Variants in LRRC49 observed in about 807,000 individuals in gnomAD.
LRRC49 encodes leucine-rich repeat-containing protein 49.
A neutral mutation model predicts 83.3 loss-of-function variants in LRRC49; 50 were observed. The ratio of observed to expected loss-of-function variants is 0.60; its 90% CI spans 0.48 to 0.76. The LOEUF (loss-of-function observed/expected upper bound fraction) is 0.76, where lower values mean the gene tolerates loss of function less well. LRRC49 is among the 30% of genes least tolerant of loss of function. LRRC49 has a pLI of 0.00. For missense variants in LRRC49, 704 were observed against 809.1 expected (o/e 0.87, Z 1.58); for synonymous variants, 286 against 283.3 (o/e 1.01, Z -0.10).
chr15:71,026,321 G>A (rs1444195589), intron 14 of LRRC49, among the ~76,000 whole-genome samples: 1 of 152,096 alleles, frequency 6.6e-6, no homozygotes, highest in Non-Finnish European at 1.5e-5. Context: ...TATCACTGAT[G>A]GGCATTTGGG....
intron 4 of LRRC49, among the ~76,000 whole-genome samples, chr15:70,903,747 A>C (rs980744636): frequency 1.3e-5 from 2 of 152,126 alleles, no homozygotes; most frequent in African/African-American, 4.8e-5. Context: ...ATCACGCAGG[A>C]CCTCATGTCT....
At chr15:70,896,177 A>C (rs572915114) in intron 3 of LRRC49, among the ~76,000 whole-genome samples, 1 of 152,234 alleles carries the variant, frequency 6.6e-6, no homozygotes, top group South Asian at 2.1e-4. Context: ...ACACTAGAGA[A>C]TGGAAAAAGA....
chr15:70,935,352 A>T (rs950171315), intron 7 of LRRC49, among the ~76,000 whole-genome samples: 2 of 152,142 alleles, frequency 1.3e-5, no homozygotes, highest in Non-Finnish European at 2.9e-5. Flanking sequence ...TAGGTAGAAA[A>T]ACAAGGCAGC....
chr15:71,034,589 T>C (rs1365642269), intron 14 of LRRC49, among the ~76,000 whole-genome samples: 1 of 152,216 alleles, frequency 6.6e-6, no homozygotes, highest in Non-Finnish European at 1.5e-5. Context: ...GTATGTTTAT[T>C]GCAGGACTAT....
chr15:71,040,005 G>T (rs1250748849), intron 15 of LRRC49, among the ~76,000 whole-genome samples: 2 of 152,116 alleles, frequency 1.3e-5, no homozygotes, highest in East Asian at 3.9e-4. Context: ...AAATATTGGT[G>T]CAAACCCCTT....
intron 15 of LRRC49, among the ~76,000 whole-genome samples, chr15:71,039,061 G>A (rs1264362347): frequency 1.3e-5 from 2 of 152,148 alleles, no homozygotes; most frequent in Non-Finnish European, 2.9e-5. Context: ...TAGAAAAAAT[G>A]ATGGCCGATA....
intron 8 of LRRC49, among the ~76,000 whole-genome samples, chr15:70,941,104 A>C (rs2035798634): frequency 6.6e-6 from 1 of 152,170 alleles, no homozygotes. Context: ...AGTAGGTCTG[A>C]CTGTAAAGCC....
intron 8 of LRRC49, among the ~76,000 whole-genome samples, chr15:70,945,422 C>A (rs981176321): frequency 9.2e-5 from 14 of 151,924 alleles, no homozygotes; most frequent in Admixed American, 8.5e-4. Context: ...TTCAAATTGT[C>A]ATGATTGTAT....
chr15:70,906,262 A>G (rs2034309261), intron 5 of LRRC49, among the ~76,000 whole-genome samples: 2 of 151,812 alleles, frequency 1.3e-5, no homozygotes. Flanking sequence ...ATGCCCAGCT[A>G]ATTTTTGTAT....
At chr15:70,961,058 T>TA (rs1475290453) in intron 8 of LRRC49, among the ~76,000 whole-genome samples, 53 of 152,002 alleles carry the variant, frequency 3.5e-4, no homozygotes, top group Admixed American at 2.0e-4. Flanking sequence ...ATCCAAATTT[T>TA]AAAAAAATCT....
In LRRC49 at chr15:71,009,817, T is replaced by C; in HGVS notation, c.1418T>C (p.Phe473Ser). Residue 473 changes from phenylalanine (F) to serine (S), a missense_variant, in exon 13 of 16, where the codon TTC becomes TCC. By Grantham distance (155) the Phe-to-Ser change is radical. Around this residue, in one of 3 missense-constraint regions of LRRC49, gnomAD observed 275 missense variants for 338.0 expected, o/e 0.81. Transcript: ENST00000260382. ...GTTTTATCATTGCAGCACCTTAAATTCAAGGAAACAAATCTTGTAATGCTG... is the reference window on the plus strand; with the variant it reads ...GTTTTATCATTGCAGCACCTTAAATCCAAGGAAACAAATCTTGTAATGCTG... ...IKFPNSLHLK[F>S]KETNLVMLQQ... 1 of 1,610,956 alleles carries C rather than the reference T, an allele frequency of 6.2e-7. No homozygotes were observed. The highest frequency in any genetic ancestry group is 8.5e-7 in the Non-Finnish European group (1 of 1,177,954).
intron 14 of LRRC49, among the ~76,000 whole-genome samples, chr15:71,035,531 G>A (rs2039491818): frequency 6.6e-6 from 1 of 152,028 alleles, no homozygotes; most frequent in African/African-American, 2.4e-5. Context: ...GGTGTGTGAT[G>A]TTCCCCTCCC....
chr15:70,895,734 A>G, intron 2 of LRRC49, 115 bp from the exon 3 acceptor site: 1 of 555,300 alleles, frequency 1.8e-6, no homozygotes, highest in Middle Eastern at 4.6e-4. Context: ...GATGTTTTCA[A>G]GGTTCATCCA....
intron 11 of LRRC49, among the ~76,000 whole-genome samples, chr15:70,987,615 T>A (rs2037679891): frequency 6.6e-6 from 1 of 152,086 alleles, no homozygotes; most frequent in Non-Finnish European, 1.5e-5. Context: ...TTTTGAAGGG[T>A]TTTTTGTGTC....
At chr15:71,014,605 A>C (rs948152212) in intron 14 of LRRC49, among the ~76,000 whole-genome samples, 3 of 152,146 alleles carry the variant, frequency 2.0e-5, no homozygotes, top group Admixed American at 2.0e-4. Flanking sequence ...GGAAATATAT[A>C]ATGAACTAAA....
intron 5 of LRRC49, among the ~76,000 whole-genome samples, chr15:70,907,131 C>G (rs2034347388): frequency 6.6e-6 from 1 of 152,204 alleles, no homozygotes; most frequent in Non-Finnish European, 1.5e-5. Context: ...ATTAAGCAAA[C>G]CTGGCTGAGG....
chr15:70,892,726 C>A (rs1259422630), upstream of LRRC49: 5 of 1,490,468 alleles, frequency 3.4e-6, no homozygotes, highest in Non-Finnish European at 4.5e-6. Flanking sequence ...GAAGCTGCAA[C>A]GACTGTGTGG....
intron 5 of LRRC49, among the ~76,000 whole-genome samples, chr15:70,905,352 T>G (rs2034261268): frequency 6.6e-6 from 1 of 152,200 alleles, no homozygotes; most frequent in Admixed American, 6.5e-5. Flanking sequence ...GGCTTTATAG[T>G]AAAATCCAAA....
chr15:70,987,088 A>C (rs531573660), intron 11 of LRRC49, among the ~76,000 whole-genome samples: 1 of 152,266 alleles, frequency 6.6e-6, no homozygotes, highest in East Asian at 1.9e-4. Flanking sequence ...ATATTGGTCT[A>C]AAATTCTCTT....
Sources: allele counts gnomAD v4.1 joint callset (sites outside exome capture counted in the v4.1 genomes callset), GRCh38; gene constraint gnomAD v4.1.1; regional missense constraint gnomAD v4.1.1; transcripts MANE v1.5; gene names NCBI Gene and HGNC (gene_info 2026-07-23, HGNC 2026-07-21).